The following ABHD2 variants were observed in gnomAD, a reference collection of about 807,000 sequenced individuals.
The protein encoded by ABHD2 is monoacylglycerol lipase ABHD2.
Under a neutral mutation model 48.1 loss-of-function variants are expected in ABHD2, and 20 were observed. The observed-to-expected ratio is 0.42, with a 90% CI of 0.29 to 0.60. The LOEUF is 0.60. Ranked by LOEUF, ABHD2 falls within the 20% of genes least tolerant of loss-of-function variation. The pLI is 0.24. For missense variants in ABHD2, 405 were observed against 550.9 expected (o/e 0.74, Z 2.65); for synonymous variants, 209 against 214.2 (o/e 0.98, Z 0.21).
chr15:89,067,121 A>G, the ABHD2 span, among the ~76,000 whole-genome samples: 1 of 151,562 alleles, frequency 6.6e-6, no homozygotes, highest in South Asian at 2.1e-4. Flanking sequence ...AGTGGAGTTA[A>G]AGGAATGAGA....
chr15:89,156,016 G>A (rs28503568), intron 5 of ABHD2, among the ~76,000 whole-genome samples: 23,398 of 152,144 alleles, frequency 0.15, 2,281 homozygotes, highest in African/African-American at 0.26. Flanking sequence ...CTCGTCTTTC[G>A]ACGAATGCTT....
At chr15:89,066,207 T>C in the ABHD2 span, among the ~76,000 whole-genome samples, 1 of 152,140 alleles carries the variant, frequency 6.6e-6, no homozygotes, top group Admixed American at 6.5e-5. Context: ...GGAAATTTGT[T>C]CTCTCACAGT....
chr15:89,169,343 C>T (rs192699315), intron 5 of ABHD2, among the ~76,000 whole-genome samples: 115 of 152,236 alleles, frequency 7.6e-4, no homozygotes, highest in African/African-American at 2.7e-3. Context: ...AAATCTGCTT[C>T]CTTGTCTGTG....
At chr15:89,142,649 C>A (rs1019452186) in intron 3 of ABHD2, among the ~76,000 whole-genome samples, 3 of 152,148 alleles carry the variant, frequency 2.0e-5, no homozygotes, top group South Asian at 2.1e-4. Context: ...CTCAGAGGAC[C>A]CCCACGGAGC....
chr15:89,140,390 G>A (rs2050382745), intron 3 of ABHD2, among the ~76,000 whole-genome samples: 2 of 152,116 alleles, frequency 1.3e-5, no homozygotes, highest in Admixed American at 6.5e-5. Flanking sequence ...ACACTTCTCT[G>A]TGCTTGAAAT....
chr15:89,187,627 G>C (rs1281758388), intron 7 of ABHD2, among the ~76,000 whole-genome samples: 1 of 152,030 alleles, frequency 6.6e-6, no homozygotes, highest in Non-Finnish European at 1.5e-5. Context: ...AGAAATGCTG[G>C]TTCCACTTGG....
intron 5 of ABHD2, among the ~76,000 whole-genome samples, chr15:89,165,798 A>G (rs1341191700): frequency 6.6e-6 from 1 of 152,220 alleles, no homozygotes; most frequent in Non-Finnish European, 1.5e-5. Flanking sequence ...TATTGACTTA[A>G]TTGACCTTCT....
In ABHD2 at chr15:89,151,560, CT is replaced by C; in HGVS notation, c.195-114del. 1 of 1,128,656 alleles carries C rather than the reference CT, an allele frequency of 8.9e-7. No individual in the cohort carries two copies. 69.9% of individuals were successfully genotyped at this position (1,128,656 alleles called of 1,614,324 possible). On this transcript the variant is annotated intron_variant, in intron 3 of 10. Coordinates refer to ENST00000352732, the MANE Select transcript of ABHD2 (RefSeq NM_152924.5). This position sits in a 1 kb window ranked among gnomAD's most constrained non-coding sequence, Gnocchi z 4.7. Reference sequence around the variant, plus strand: ...ACGTAATAAAAGCCTCATGTTTATGCTTTGTGTGCAGAATTTCCCTGGAACA... The same window carrying C: ...ACGTAATAAAAGCCTCATGTTTATGCTTGTGTGCAGAATTTCCCTGGAACA...
At chr15:89,063,618 GT>G in the ABHD2 span, among the ~76,000 whole-genome samples, 1 of 151,802 alleles carries the variant, frequency 6.6e-6, no homozygotes. Context: ...TATACATACA[GT>G]TTTTTTATTG....
Position 89,184,497 on chromosome 15 carries a change from T to C in ABHD2, c.723-927T>C, listed in dbSNP as rs1450933311. Among the ~76,000 whole-genome samples, 3 of 152,000 alleles carry C rather than the reference T, an allele frequency of 2.0e-5. No homozygotes were observed. The highest frequency in any genetic ancestry group is 4.4e-5 in the Non-Finnish European group (3 of 67,988). ...TTCCCTGTAATGAGTGTGGACTCAGTGTCCGCCTGCGTTTGGATTCACGCC... is the reference window on the plus strand; with the variant it reads ...TTCCCTGTAATGAGTGTGGACTCAGCGTCCGCCTGCGTTTGGATTCACGCC... On this transcript the variant is annotated intron_variant, in intron 6 of 10. Transcript: ENST00000352732. This position sits in a 1 kb window ranked among gnomAD's most constrained non-coding sequence, Gnocchi z 5.1.
At position 89,174,105 on chromosome 15, in the gene ABHD2, CATTG is replaced by C. The variant is rs1878229957; in HGVS notation, c.539-1702_539-1699del. Reference sequence around the variant, plus strand: ...ACCTGGGTATAAATGTGTAAAATTTCATTGATTGTGCATTTTCCTGTATGTATGT... The same window carrying C: ...ACCTGGGTATAAATGTGTAAAATTTCATTGTGCATTTTCCTGTATGTATGT... On this transcript the variant is annotated intron_variant, in intron 5 of 10. Coordinates refer to ENST00000352732, the MANE Select transcript of ABHD2 (RefSeq NM_152924.5). The surrounding 1 kb of genome is among the most constrained non-coding windows in gnomAD (Gnocchi z 4.1). Among the ~76,000 whole-genome samples, 1 of 152,024 alleles carries C rather than the reference CATTG, an allele frequency of 6.6e-6. No individual in the cohort carries two copies. The highest frequency in any genetic ancestry group is 1.5e-5 in the Non-Finnish European group (1 of 68,020).
rs2049687682 is a variant in ABHD2 at position 89,100,684 on chromosome 15, A to G, written c.-107+12121A>G. On this transcript the variant is annotated intron_variant, in intron 1 of 10. Transcript: ENST00000352732. The surrounding 1 kb of genome is among the most constrained non-coding windows in gnomAD (Gnocchi z 4.4). ...GGAGTTCGAGACCAGCCTGGCCAACATAGTGAAACCCTGTCTCTACTAAAA... is the reference window on the plus strand; with the variant it reads ...GGAGTTCGAGACCAGCCTGGCCAACGTAGTGAAACCCTGTCTCTACTAAAA... Among the ~76,000 whole-genome samples, 1 of 152,136 alleles carries G rather than the reference A, an allele frequency of 6.6e-6. No homozygotes were observed. The highest frequency in any genetic ancestry group is 6.5e-5 in the Admixed American group (1 of 15,280).
the ABHD2 span, among the ~76,000 whole-genome samples, chr15:89,058,507 G>A: frequency 6.6e-6 from 1 of 152,308 alleles, no homozygotes; most frequent in East Asian, 1.9e-4. Flanking sequence ...TTGGGTGGGT[G>A]TATGGACTCC....
At position 89,177,318 on chromosome 15, in the gene ABHD2, G is replaced by A. The variant is rs556165362; in HGVS notation, c.722+1323G>A. On this transcript the variant is annotated intron_variant, in intron 6 of 10. Coordinates refer to ENST00000352732, the MANE Select transcript of ABHD2 (RefSeq NM_152924.5). This position sits in a 1 kb window ranked among gnomAD's most constrained non-coding sequence, Gnocchi z 5.6. ...GTTCATTTTCATTATCGTCATCATC[G>A]TCATTCACTGTAAAATGAAGGAGGT... Among the ~76,000 whole-genome samples the A allele has an allele frequency of 2.6e-5, 4 of 152,252 alleles. No homozygotes were observed. The highest frequency in any genetic ancestry group is 4.1e-4 in the South Asian group (2 of 4,822).
In ABHD2 at chr15:89,100,857, G is replaced by T. The variant is rs1022369614; in HGVS notation, c.-107+12294G>T. Among the ~76,000 whole-genome samples, 11 of 151,838 alleles carry T rather than the reference G, an allele frequency of 7.2e-5. No homozygotes were observed. The highest frequency in any genetic ancestry group is 2.4e-4 in the African/African-American group (10 of 41,272). On this transcript the variant is annotated intron_variant, in intron 1 of 10. Coordinates refer to ENST00000352732, the MANE Select transcript of ABHD2 (RefSeq NM_152924.5). This position sits in a 1 kb window ranked among gnomAD's most constrained non-coding sequence, Gnocchi z 4.4. Reference sequence around the variant, plus strand: ...CACTCCACCCTGGGCCACAGTGAGAGACTCCATCTCAAAAAAAAAGGAACC... The same window carrying T: ...CACTCCACCCTGGGCCACAGTGAGATACTCCATCTCAAAAAAAAAGGAACC...
In ABHD2 at chr15:89,097,494, A is replaced by G. The variant is rs140682814; in HGVS notation, c.-107+8931A>G. 9.7e-3 allele frequency among the ~76,000 whole-genome samples: 1,476 copies of G among 152,316 alleles called. 24 individuals are homozygous for G. Among genetic ancestry groups the G allele is most frequent in the African/African-American group, 0.034 (1,403 of 41,572 alleles). ...ATTTTTGTGAGTTAGGATTCAAGTA[A>G]GGATTAGACATTATGATTGATTGCT... On this transcript the variant is annotated intron_variant, in intron 1 of 10. Transcript: ENST00000352732. This position sits in a 1 kb window ranked among gnomAD's most constrained non-coding sequence, Gnocchi z 4.2.
chr15:89,079,171 ATT>A, the ABHD2 span, among the ~76,000 whole-genome samples: 1 of 152,190 alleles, frequency 6.6e-6, no homozygotes, highest in African/African-American at 2.4e-5. The surrounding 1 kb of genome is among the most constrained non-coding windows in gnomAD (Gnocchi z 4.3). Flanking sequence ...TAAAATGTAG[ATT>A]TACCAAGCAA....
chr15:89,131,814 T>C (rs2050223956), intron 3 of ABHD2, among the ~76,000 whole-genome samples: 1 of 152,158 alleles, frequency 6.6e-6, no homozygotes, highest in African/African-American at 2.4e-5. Flanking sequence ...AATGTAAGTC[T>C]TAGGAGAGAC....
rs2049747645 is a variant in ABHD2, at chr15:89,104,270, G to A, written c.-106-9455G>A. On this transcript the variant is annotated intron_variant, in intron 1 of 10. Transcript: ENST00000352732. The surrounding 1 kb of genome is among the most constrained non-coding windows in gnomAD (Gnocchi z 4.4). ...GCCACACAGCTGAAAGAGATGGATG[G>A]GTGAGTGACCTCAGCTTTGCCCAGC... 1 of 152,260 alleles carries A rather than the reference G, an allele frequency of 6.6e-6. No homozygotes were observed. Among genetic ancestry groups the A allele is most frequent in the Non-Finnish European group, 1.5e-5 (1 of 68,094 alleles). The allele number at this position is 152,260 out of a possible 1,614,324, so 9.4% of individuals were successfully genotyped here.
Sources: gnomAD v4.1 joint callset for allele counts (sites outside exome capture counted in the v4.1 genomes callset) on GRCh38, gnomAD v4.1.1 for gene constraint, Gnocchi (gnomAD v3.1) non-coding constraint, MANE v1.5 for transcripts, NCBI Gene and HGNC (gene_info 2026-07-23, HGNC 2026-07-21) for gene names.